The following ZCCHC17 variants were observed in gnomAD, a reference collection of about 807,000 sequenced individuals.
ZCCHC17 encodes zinc finger CCHC domain-containing protein 17.
Under a neutral mutation model 30.6 loss-of-function variants are expected in ZCCHC17, and 18 were observed. The ratio of observed to expected loss-of-function variants is 0.59; its 90% CI spans 0.41 to 0.87. The LOEUF is 0.87. Among genes scored for constraint, ZCCHC17 ranks in the 40% least tolerant of loss-of-function variants. The pLI is 0.00. For synonymous variants in ZCCHC17, 88 were observed against 92.4 expected, an observed-to-expected ratio of 0.95 and a Z score of 0.27; for missense variants, 263 against 284.2, an observed-to-expected ratio of 0.93 and a Z score of 0.54.
At chr1:31,316,631 C>T (rs1646739992) in intron 2 of ZCCHC17, among the ~76,000 whole-genome samples, 1 of 152,166 alleles carries the variant, frequency 6.6e-6, no homozygotes, top group Non-Finnish European at 1.5e-5. Context: ...CAGGTAAGCA[C>T]TTTTTATCTC....
intron 3 of ZCCHC17, among the ~76,000 whole-genome samples, chr1:31,324,596 G>A (rs1295599186): frequency 6.6e-6 from 1 of 152,222 alleles, no homozygotes; most frequent in Non-Finnish European, 1.5e-5. Context: ...CTCTGATTTT[G>A]GAGCAAAGTC....
intron 3 of ZCCHC17, among the ~76,000 whole-genome samples, chr1:31,322,403 A>G (rs1348113028): frequency 6.6e-6 from 1 of 152,214 alleles, no homozygotes; most frequent in East Asian, 1.9e-4. Context: ...GTAATTTGCT[A>G]GAGTGACTCA....
chr1:31,300,933 C>CAA (rs199550009), intron 1 of ZCCHC17, among the ~76,000 whole-genome samples: 2 of 108,048 alleles, frequency 1.9e-5, no homozygotes, highest in East Asian at 4.9e-4. Context: ...AACTCTGTCT[C>CAA]AAAAAAAAAA....
At chr1:31,307,244 C>T (rs561952545) in intron 1 of ZCCHC17, among the ~76,000 whole-genome samples, 32 of 151,926 alleles carry the variant, frequency 2.1e-4, no homozygotes, top group African/African-American at 7.5e-4. Context: ...CGATTACAGT[C>T]GTGAGCCACT....
chr1:31,361,660 A>G (rs981369169), intron 7 of ZCCHC17, among the ~76,000 whole-genome samples: 1 of 152,036 alleles, frequency 6.6e-6, no homozygotes, highest in African/African-American at 2.4e-5. Context: ...TTCCATTCAT[A>G]TGATCTACAT....
At chr1:31,355,829 G>A (rs906840300) in intron 7 of ZCCHC17, among the ~76,000 whole-genome samples, 1 of 152,132 alleles carries the variant, frequency 6.6e-6, no homozygotes, top group Non-Finnish European at 1.5e-5. Flanking sequence ...CAAGATTCCA[G>A]CCCTCCTGTT....
Position 31,337,228 on chromosome 1 carries a change from A to G in ZCCHC17, c.178A>G (p.Ile60Val), listed in dbSNP as rs1291783117. ...CTGTCGGGTGGATAAGCCCTCTGAG[A>G]TAGTAGATGTTGGAGATAAAGTGTG... Reference protein sequence around the residue: ...SSCRVDKPSEIVDVGDKVWVK... With the variant: ...SSCRVDKPSEVVDVGDKVWVK... The change falls in exon 4 of 8, where the codon ATA becomes GTA. Residue 60 changes from isoleucine to valine, a missense_variant. By Grantham distance (29) the Ile-to-Val change is conservative. Transcript: ENST00000344147. The G allele has an allele frequency of 1.2e-6, 2 of 1,613,818 alleles. No individual in the cohort carries two copies. The highest frequency in any genetic ancestry group is 1.7e-6 in the Non-Finnish European group (2 of 1,179,966).
intron 3 of ZCCHC17, among the ~76,000 whole-genome samples, chr1:31,330,711 G>A (rs1416601936): frequency 6.6e-6 from 1 of 152,066 alleles, no homozygotes; most frequent in Non-Finnish European, 1.5e-5. Context: ...TTGTGATCCT[G>A]GATAATTTAT....
At chr1:31,297,578 A>T (rs1351992193) in intron 1 of ZCCHC17, among the ~76,000 whole-genome samples, 1 of 152,150 alleles carries the variant, frequency 6.6e-6, no homozygotes, top group African/African-American at 2.4e-5. Flanking sequence ...ATATTCATTT[A>T]GCAGCGCGTT....
chr1:31,344,862 G>GTTTGTTTGTTTGT (rs138703385), intron 5 of ZCCHC17, among the ~76,000 whole-genome samples: 16 of 150,600 alleles, frequency 1.1e-4, no homozygotes, highest in Non-Finnish European at 1.6e-4. Context: ...GTTTTTTTTT[G>GTTTGTTTGTTTGT]TTGTTTGTTT....
chr1:31,364,250 G>A lies in ZCCHC17; in HGVS notation c.*57G>A. The A allele has an allele frequency of 6.4e-7, 1 of 1,556,328 alleles. No homozygotes were observed. The highest frequency in any genetic ancestry group is 8.7e-7 in the Non-Finnish European group (1 of 1,154,672). ...TAAGAAACCAGGAGCCTTGTGCCTT[G>A]AGACTCCTGGAAAGACTCAATAGTG... On this transcript the variant is annotated 3_prime_UTR_variant, in exon 8 of 8. Coordinates refer to ENST00000344147, the MANE Select transcript of ZCCHC17 (RefSeq NM_016505.4).
In ZCCHC17 at chr1:31,346,716, A is replaced by G; in HGVS notation, c.394A>G (p.Thr132Ala). 3 of 1,614,058 alleles carry G rather than the reference A, an allele frequency of 1.9e-6. No homozygotes were observed. Among genetic ancestry groups the G allele is most frequent in the Non-Finnish European group, 2.5e-6 (3 of 1,180,006 alleles). The change falls in exon 6 of 8, where the codon ACC (threonine) becomes GCC (alanine). Residue 132 changes from threonine to alanine, a missense_variant. Transcript: ENST00000344147. ...KITLEAVLNT[T>A]CKKCGCKGHF... ...CACCCTTGAGGCTGTCTTGAACACT[A>G]CCTGCAAGAAGTGTGGCTGTAAAGG...
chr1:31,350,823 A>G (rs974194575), intron 7 of ZCCHC17, among the ~76,000 whole-genome samples: 2 of 152,100 alleles, frequency 1.3e-5, no homozygotes, highest in African/African-American at 4.8e-5. Context: ...GGTGGTCTCA[A>G]ACTCCTGACC....
intron 5 of ZCCHC17, among the ~76,000 whole-genome samples, chr1:31,340,987 G>C (rs758414274): frequency 6.6e-6 from 1 of 152,164 alleles, no homozygotes; most frequent in Non-Finnish European, 1.5e-5. Context: ...AACCTGCAAA[G>C]TGGATGTTAT....
At chr1:31,339,968 T>TTTTTC (rs1368223316) in intron 5 of ZCCHC17, among the ~76,000 whole-genome samples, 3 of 113,034 alleles carry the variant, frequency 2.7e-5, no homozygotes, top group Non-Finnish European at 3.2e-5. Flanking sequence ...TTCTTTTTTT[T>TTTTTC]TTTTTTTTTT....
intron 4 of ZCCHC17, among the ~76,000 whole-genome samples, chr1:31,337,771 G>T (rs1329859544): frequency 6.6e-6 from 1 of 152,008 alleles, no homozygotes; most frequent in Non-Finnish European, 1.5e-5. Context: ...AGGGCTGTGG[G>T]TGTGGGCCGA....
intron 2 of ZCCHC17, among the ~76,000 whole-genome samples, chr1:31,310,519 C>T (rs1646575438): frequency 6.6e-6 from 1 of 152,222 alleles, no homozygotes; most frequent in Non-Finnish European, 1.5e-5. Flanking sequence ...TTCTTGAGGG[C>T]TCCACCCTCC....
intron 5 of ZCCHC17, among the ~76,000 whole-genome samples, chr1:31,341,595 A>G (rs1639049645): frequency 6.6e-6 from 1 of 152,224 alleles, no homozygotes; most frequent in Admixed American, 6.5e-5. Context: ...AATTATGTCT[A>G]TAGCTGCATC....
At chr1:31,334,437 C>G (rs1284272037) in intron 3 of ZCCHC17, among the ~76,000 whole-genome samples, 1 of 149,776 alleles carries the variant, frequency 6.7e-6, no homozygotes, top group Non-Finnish European at 1.5e-5. Context: ...ATTTCCCAAG[C>G]AACTTCAGGG....
Sources: gnomAD v4.1 joint callset for allele counts (sites outside exome capture counted in the v4.1 genomes callset) on GRCh38, gnomAD v4.1.1 for gene constraint, MANE v1.5 for transcripts, NCBI Gene and HGNC (gene_info 2026-07-23, HGNC 2026-07-21) for gene names.